DIPK2A: variants seen among roughly 807,000 people sequenced by gnomAD.
DIPK2A encodes Golgi Protein of 49 kDa.
DIPK2A carries 27 observed loss-of-function variants against 39.0 expected under a neutral mutation model. That is an observed-to-expected ratio of 0.69 (90% CI 0.51 to 0.96). The LOEUF (loss-of-function observed/expected upper bound fraction) is 0.96, where lower values mean the gene tolerates loss of function less well. DIPK2A is among the 40% of genes least tolerant of loss of function. The probability of loss-of-function intolerance (pLI) is 0.00; values close to 1 mark genes in which losing one functional copy is unlikely to be tolerated. For synonymous variants in DIPK2A, 298 were observed against 240.8 expected, an observed-to-expected ratio of 1.24 and a Z score of -2.20; for missense variants, 528 against 571.3, an observed-to-expected ratio of 0.92 and a Z score of 0.77.
At position 143,992,042 on chromosome 3, in the gene DIPK2A, G is replaced by A. The variant is rs1436050235; in HGVS notation, c.*2201G>A. Reference sequence around the variant, plus strand: ...ATCTTTGGGAAAAGTTGAGAAGATAGTAAAAGAATTAGGAATTTAAAATTA... The same window carrying A: ...ATCTTTGGGAAAAGTTGAGAAGATAATAAAAGAATTAGGAATTTAAAATTA... On this transcript the variant is annotated 3_prime_UTR_variant, in exon 3 of 3. Coordinates refer to ENST00000315691, the MANE Select transcript of DIPK2A (RefSeq NM_173552.5). The A allele has an allele frequency of 2.6e-5, 4 of 152,562 alleles. No homozygotes were observed. Among genetic ancestry groups the A allele is most frequent in the Non-Finnish European group, 4.4e-5 (3 of 68,010 alleles). The allele number at this position is 152,562 out of a possible 1,614,324, so 9.5% of individuals were successfully genotyped here. A position where few individuals can be genotyped will look rare whatever the true frequency, so the allele number is the denominator to read the frequency against.
rs1489183871 is a variant in DIPK2A at position 143,992,001 on chromosome 3, A to G, written c.*2160A>G. ...ACTACCATTTCCCCTCCATGAAATT[A>G]TGTGAAATTTATTTTATCTTTGGGA... On this transcript the variant is annotated 3_prime_UTR_variant, in exon 3 of 3. Coordinates refer to ENST00000315691, the MANE Select transcript of DIPK2A (RefSeq NM_173552.5). The G allele has an allele frequency of 6.6e-6, 1 of 152,592 alleles. No homozygotes were observed. The highest frequency in any genetic ancestry group is 1.5e-5 in the Non-Finnish European group (1 of 68,016). 9.5% of individuals were successfully genotyped at this position (152,592 alleles called of 1,614,324 possible). A position where few individuals can be genotyped will look rare whatever the true frequency, so the allele number is the denominator to read the frequency against.
At chr3:143,981,463 C>G (rs2087828213) in intron 1 of DIPK2A, among the ~76,000 whole-genome samples, 1 of 152,132 alleles carries the variant, frequency 6.6e-6, no homozygotes, top group Admixed American at 6.5e-5. Flanking sequence ...TCAGGCTTTT[C>G]ATGTGCCTGA....
In DIPK2A at chr3:143,990,249, G is replaced by A. The variant is rs2087962093; in HGVS notation, c.*408G>A. ...TTACTTTGAATGTCAAGTCAGATTG[G>A]TCTGTTTTATAGGCCGCTTTTTCCT... On this transcript the variant is annotated 3_prime_UTR_variant, in exon 3 of 3. Coordinates refer to ENST00000315691, the MANE Select transcript of DIPK2A (RefSeq NM_173552.5). 1 of 156,066 alleles carries A rather than the reference G, an allele frequency of 6.4e-6. No homozygotes were observed. Among genetic ancestry groups the A allele is most frequent in the African/African-American group, 2.4e-5 (1 of 41,222 alleles). 9.7% of individuals were successfully genotyped at this position (156,066 alleles called of 1,614,324 possible).
intron 1 of DIPK2A, among the ~76,000 whole-genome samples, chr3:143,978,909 A>C (rs902200699): frequency 9.9e-5 from 15 of 151,740 alleles, no homozygotes; most frequent in Non-Finnish European, 1.8e-4. Flanking sequence ...TTCCGATTCT[A>C]AGTTTTTTTA....
In DIPK2A at chr3:143,989,870, A is replaced by G. The variant is rs1392256326; in HGVS notation, c.*29A>G. On this transcript the variant is annotated 3_prime_UTR_variant, in exon 3 of 3. Coordinates refer to ENST00000315691, the MANE Select transcript of DIPK2A (RefSeq NM_173552.5). The stretch of plus-strand genomic sequence containing the variant: ...ATGGTGAACTTTTCTTTTTTTCTCC[A>G]TTTAAACAGCACTGGCTAAAACTAA... 6.4e-7 allele frequency: 1 copy of G among 1,553,884 alleles called. No homozygotes were observed. Among genetic ancestry groups the G allele is most frequent in the Non-Finnish European group, 8.8e-7 (1 of 1,133,160 alleles).
chr3:143,991,330 CCAGGCACG>C lies in DIPK2A; in HGVS notation c.*1490_*1497del, dbSNP rs1411991177. On this transcript the variant is annotated 3_prime_UTR_variant, in exon 3 of 3. Coordinates refer to ENST00000315691, the MANE Select transcript of DIPK2A (RefSeq NM_173552.5). ...CTATTTATTAAGCATCAACTCTGTG[CCAGGCACG>C]TTACTAGCTGCTACATACTGTCTGA... 1.3e-5 allele frequency: 2 copies of C among 152,582 alleles called. No individual in the cohort carries two copies. The highest frequency in any genetic ancestry group is 6.5e-5 in the Admixed American group (1 of 15,276). 9.5% of individuals were successfully genotyped at this position (152,582 alleles called of 1,614,324 possible).
rs185995589 is a variant in DIPK2A at position 143,972,713 on chromosome 3, G to T, written c.381G>T (p.Lys127Asn). The change falls in exon 1 of 3, where the codon AAG becomes AAT. Residue 127 changes from lysine (K) to asparagine (N), a missense_variant. Physicochemically the swap from Lys to Asn is moderately conservative, Grantham distance 94. Coordinates refer to ENST00000315691, the MANE Select transcript of DIPK2A (RefSeq NM_173552.5). The stretch of plus-strand genomic sequence containing the variant: ...CGCAGCTCGACCAGAGCATCTGCAA[G>T]CGGGCCACCGGCCGGCCCCGCTGCG... ...ELAQLDQSIC[K>N]RATGRPRCDL... 1 of 1,599,480 alleles carries T rather than the reference G, an allele frequency of 6.3e-7. No individual in the cohort carries two copies. The highest frequency in any genetic ancestry group is 2.2e-5 in the East Asian group (1 of 44,530).
intron 1 of DIPK2A, 199 bp downstream of exon 1, chr3:143,973,188 GTC>G (rs1267465375): frequency 1.0e-6 from 1 of 997,664 alleles, no homozygotes; most frequent in Non-Finnish European, 1.5e-6. Context: ...CTGATGGAGA[GTC>G]TGCTCTTGTT....
intron 2 of DIPK2A, among the ~76,000 whole-genome samples, chr3:143,986,666 A>G (rs1294879728): frequency 6.7e-6 from 1 of 149,364 alleles, no homozygotes; most frequent in Non-Finnish European, 1.5e-5. Flanking sequence ...CGGAGCCTGC[A>G]GTGAGCCGAG....
At chr3:143,973,214 C>A in intron 1 of DIPK2A, 1 of 1,052,600 alleles carries the variant, frequency 9.5e-7, no homozygotes, top group Non-Finnish European at 1.4e-6. Flanking sequence ...TAGATTCGGG[C>A]GCATTTCGGA....
chr3:143,989,971 T>C lies in DIPK2A; in HGVS notation c.*130T>C. ...AGGATGATAAACTTGCACTGATAGATCTTAATGTTAACATCCATCAAAATA... is the reference window on the plus strand; with the variant it reads ...AGGATGATAAACTTGCACTGATAGACCTTAATGTTAACATCCATCAAAATA... On this transcript the variant is annotated 3_prime_UTR_variant, in exon 3 of 3. Transcript: ENST00000315691. 1.5e-6 allele frequency: 1 copy of C among 658,330 alleles called. No individual in the cohort carries two copies. The highest frequency in any genetic ancestry group is 2.6e-6 in the Non-Finnish European group (1 of 386,088). The allele number at this position is 658,330 out of a possible 1,614,324, so 40.8% of individuals were successfully genotyped here.
chr3:143,973,818 A>ATG, intron 1 of DIPK2A: 1 of 546,062 alleles, frequency 1.8e-6, no homozygotes. Flanking sequence ...TTGAAAAGTA[A>ATG]TGTGCCTTTT....
Position 143,973,436 on chromosome 3 carries a change from C to A in DIPK2A, c.657+447C>A, listed in dbSNP as rs915244874. On this transcript the variant is annotated intron_variant, in intron 1 of 2. Transcript: ENST00000315691. ...ACCGCGTTCGCTCTTCCTTTTCTGG[C>A]GCTGGTGGCTGGCCTAACTTCGGTC... The A allele has an allele frequency of 6.4e-6, 10 of 1,550,744 alleles. No individual in the cohort carries two copies. The Admixed American group carries it at 1.4e-4, about 21-fold the overall frequency.
At chr3:143,988,359 C>CAA (rs1435882296) in intron 2 of DIPK2A, among the ~76,000 whole-genome samples, 3 of 152,156 alleles carry the variant, frequency 2.0e-5, no homozygotes, top group Admixed American at 1.3e-4. Flanking sequence ...CTTGGCCTCT[C>CAA]AAAGTGCTGG....
chr3:143,990,743 G>T lies in DIPK2A; in HGVS notation c.*902G>T, dbSNP rs2087972951. ...CCAAGATAGTAATGCATATGCCAAAGAAATATTACACCTAATCTCATGTTT... is the reference window on the plus strand; with the variant it reads ...CCAAGATAGTAATGCATATGCCAAATAAATATTACACCTAATCTCATGTTT... On this transcript the variant is annotated 3_prime_UTR_variant, in exon 3 of 3. Transcript: ENST00000315691. 6.6e-6 allele frequency: 1 copy of T among 152,516 alleles called. No homozygotes were observed. Among genetic ancestry groups the T allele is most frequent in the African/African-American group, 2.4e-5 (1 of 41,438 alleles). The allele number at this position is 152,516 out of a possible 1,614,324, so 9.4% of individuals were successfully genotyped here.
chr3:143,975,302 A>G (rs2087713256), intron 1 of DIPK2A, among the ~76,000 whole-genome samples: 1 of 152,152 alleles, frequency 6.6e-6, no homozygotes. Flanking sequence ...TCATATAGGC[A>G]TGTAATTTTT....
At chr3:143,978,603 T>G (rs2087764755) in intron 1 of DIPK2A, 1 of 34,596 alleles carries the variant, frequency 2.9e-5, no homozygotes, top group Non-Finnish European at 4.4e-5. Flanking sequence ...TCTATCTATC[T>G]ATATATATAT....
chr3:143,983,621 G>A (rs116182353), intron 1 of DIPK2A, among the ~76,000 whole-genome samples: 4,263 of 152,164 alleles, frequency 0.028, 202 homozygotes, highest in African/African-American at 0.096. Context: ...GTGTAAAATC[G>A]ACATCCTAAC....
At position 143,991,612 on chromosome 3, in the gene DIPK2A, G is replaced by A. The variant is rs879354070; in HGVS notation, c.*1771G>A. On this transcript the variant is annotated 3_prime_UTR_variant, in exon 3 of 3. Transcript: ENST00000315691. ...TCTCCATTATAAAATAGTTGCATTC[G>A]GTTAATTTTTACACATTAGTGCATT... 13 of 152,536 alleles carry A rather than the reference G, an allele frequency of 8.5e-5. No individual in the cohort carries two copies. The highest frequency in any genetic ancestry group is 9.7e-5 in the African/African-American group (4 of 41,444). 9.4% of individuals were successfully genotyped at this position (152,536 alleles called of 1,614,324 possible).
Sources: gnomAD v4.1 joint callset for allele counts (sites outside exome capture counted in the v4.1 genomes callset) on GRCh38, gnomAD v4.1.1 for gene constraint, MANE v1.5 for transcripts, NCBI Gene and HGNC (gene_info 2026-07-23, HGNC 2026-07-21) for gene names.